Variants in DNAH5 observed in about 807,000 individuals in gnomAD.
DNAH5 encodes dynein axonemal heavy chain 5, also known as axonemal beta dynein heavy chain 5.
A neutral mutation model predicts 518.2 loss-of-function variants in DNAH5; 372 were observed. The observed-to-expected ratio is 0.72, with a 90% confidence interval of 0.66 to 0.78. The LOEUF (loss-of-function observed/expected upper bound fraction) is 0.78. Among genes scored for constraint, DNAH5 ranks in the 30% least tolerant of loss-of-function variants. The pLI, the probability that DNAH5 is intolerant of heterozygous loss-of-function variation, is 0.00. For missense variants in DNAH5, 5,523 were observed against 5,687.0 expected, an observed-to-expected ratio of 0.97 and a Z score of 0.93; for synonymous variants, 2,039 against 2,025.9, an observed-to-expected ratio of 1.01 and a Z score of -0.17.
intron 55 of DNAH5, among the ~76,000 whole-genome samples, chr5:13,774,349 C>G (rs986565334): frequency 2.0e-5 from 3 of 151,998 alleles, no homozygotes; most frequent in Non-Finnish European, 4.4e-5. Flanking sequence ...ATGGCCCTTC[C>G]TGAAAGGGGG....
At chr5:14,003,139 T>C (rs1048137130) in intron 1 of DNAH5, among the ~76,000 whole-genome samples, 2 of 152,224 alleles carry the variant, frequency 1.3e-5, no homozygotes, top group Non-Finnish European at 2.9e-5. Context: ...CTTTTTCATT[T>C]TGTCTTAATA....
At chr5:13,789,047 T>C (rs530633164) in intron 50 of DNAH5, 133 bp from the exon 51 acceptor site, 26 of 755,596 alleles carry the variant, frequency 3.4e-5, no homozygotes, top group South Asian at 3.3e-4. Flanking sequence ...GGTTCAAATA[T>C]GCTCAACTTC....
Position 13,770,989 on chromosome 5 carries a change from A to T in DNAH5, c.9374-9T>A, listed in dbSNP as rs774049828. 6.3e-7 allele frequency: 1 copy of T among 1,586,026 alleles called. No homozygotes were observed. Among genetic ancestry groups the T allele is most frequent in the Non-Finnish European group, 8.7e-7 (1 of 1,154,768 alleles). The stretch of plus-strand genomic sequence containing the variant: ...GAGGAAGTGTTCAGACACTAGAGAG[A>T]ATAAAGATGACAGTGTGTGAAATAT... On this transcript the variant is annotated splice_polypyrimidine_tract_variant and intron_variant, in intron 55 of 78. Transcript: ENST00000265104.
rs1749387167 is a variant in DNAH5 at position 13,746,695 on chromosome 5, A to G, written c.11211+4383T>C. On this transcript the variant is annotated intron_variant, in intron 65 of 78. Coordinates refer to ENST00000265104, the MANE Select transcript of DNAH5 (RefSeq NM_001369.3). ...AACAGCAAATATTTGATTCAGGTTG[A>G]GTTTCTCCCAAGTGAGAGAAAAGAT... 2.0e-5 allele frequency among the ~76,000 whole-genome samples: 3 copies of G among 152,120 alleles called. No individual in the cohort carries two copies. The South Asian group carries it at 6.2e-4, about 32-fold the overall frequency.
intron 55 of DNAH5, chr5:13,771,298 G>A: frequency 8.4e-6 from 3 of 356,828 alleles, no homozygotes; most frequent in Non-Finnish European, 1.6e-5. Flanking sequence ...TTTACATCAG[G>A]ACAAATGGTA....
intron 1 of DNAH5, among the ~76,000 whole-genome samples, chr5:13,951,932 T>C (rs1560997933): frequency 6.6e-6 from 1 of 152,246 alleles, no homozygotes; most frequent in Admixed American, 6.5e-5. Context: ...TGTGCTAAGA[T>C]ATCATGAAAA....
chr5:14,009,102 T>C (rs1468388182), intron 1 of DNAH5, among the ~76,000 whole-genome samples: 1 of 152,202 alleles, frequency 6.6e-6, no homozygotes, highest in Non-Finnish European at 1.5e-5. Context: ...AACAAAGTAA[T>C]GAGTGAGCAG....
intron 35 of DNAH5, among the ~76,000 whole-genome samples, chr5:13,837,430 T>C (rs1196234208): frequency 6.6e-6 from 1 of 152,026 alleles, no homozygotes; most frequent in Non-Finnish European, 1.5e-5. Flanking sequence ...GGATGTTGCT[T>C]CCAGAGAGGA....
At chr5:13,774,609 C>G (rs1277265250) in intron 55 of DNAH5, among the ~76,000 whole-genome samples, 1 of 152,132 alleles carries the variant, frequency 6.6e-6, no homozygotes, top group African/African-American at 2.4e-5. Context: ...CCAATAACAT[C>G]ATGAAGCTCA....
At chr5:13,692,915 T>C (rs1005938602) in intron 78 of DNAH5, among the ~76,000 whole-genome samples, 2 of 152,144 alleles carry the variant, frequency 1.3e-5, no homozygotes, top group African/African-American at 4.8e-5. Flanking sequence ...ATACAATTCA[T>C]GAGGGCCCTC....
intron 65 of DNAH5, among the ~76,000 whole-genome samples, chr5:13,745,270 G>T (rs1050038514): frequency 2.0e-5 from 3 of 151,966 alleles, no homozygotes; most frequent in Non-Finnish European, 4.4e-5. Flanking sequence ...TGTTCAAAAT[G>T]GTCTAGATAC....
intron 50 of DNAH5, 82 bp from the exon 51 acceptor site, chr5:13,788,996 T>C (rs781032912): frequency 1.6e-6 from 2 of 1,243,950 alleles, no homozygotes; most frequent in Non-Finnish European, 2.3e-6. Flanking sequence ...CTGTAGAGTA[T>C]TATCCTTCCT....
At chr5:13,794,879 A>G (rs899766980) in intron 47 of DNAH5, among the ~76,000 whole-genome samples, 3 of 152,246 alleles carry the variant, frequency 2.0e-5, no homozygotes, top group Admixed American at 2.0e-4. Flanking sequence ...AGGCAGGACA[A>G]TGGTGTGAAC....
intron 43 of DNAH5, among the ~76,000 whole-genome samples, chr5:13,813,600 A>G (rs1177712983): frequency 6.6e-6 from 1 of 152,098 alleles, no homozygotes; most frequent in Non-Finnish European, 1.5e-5. Flanking sequence ...CTCTGCTTTT[A>G]TTCTCCTTAA....
chr5:13,880,024 G>C (rs1199733050), intron 21 of DNAH5, among the ~76,000 whole-genome samples: 2 of 152,098 alleles, frequency 1.3e-5, no homozygotes, highest in Non-Finnish European at 2.9e-5. Flanking sequence ...ATTGTCAATA[G>C]CTAAAGATAA....
At chr5:13,883,388 A>T (rs1200166782) in intron 19 of DNAH5, among the ~76,000 whole-genome samples, 1 of 152,202 alleles carries the variant, frequency 6.6e-6, no homozygotes, top group Non-Finnish European at 1.5e-5. Flanking sequence ...AAAATATTAA[A>T]GATGATTCTT....
intron 14 of DNAH5, among the ~76,000 whole-genome samples, chr5:13,900,924 G>A (rs533231381): frequency 6.6e-5 from 10 of 152,292 alleles, no homozygotes; most frequent in Non-Finnish European, 1.0e-4. Context: ...ATGTGCTAGT[G>A]TTTACTGACA....
chr5:13,823,163 G>T, intron 40 of DNAH5, 100 bp downstream of exon 40: 1 of 837,714 alleles, frequency 1.2e-6, no homozygotes. Context: ...TATTTTTGCT[G>T]CTCAGAGTGC....
intron 68 of DNAH5, among the ~76,000 whole-genome samples, chr5:13,733,515 A>T (rs568787638): frequency 6.6e-6 from 1 of 152,204 alleles, no homozygotes; most frequent in Non-Finnish European, 1.5e-5. Context: ...ACATCTACAC[A>T]TCTTTCTCTC....
Sources: gnomAD v4.1 joint callset for allele counts (sites outside exome capture counted in the v4.1 genomes callset) on GRCh38, gnomAD v4.1.1 for gene constraint, MANE v1.5 for transcripts, NCBI Gene and HGNC (gene_info 2026-07-23, HGNC 2026-07-21) for gene names.